The following SCPPPQ1 variants were observed in gnomAD, a reference collection of about 807,000 sequenced individuals.
SCPPPQ1 encodes secretory calcium-binding phosphoprotein proline-glutamine rich 1.
the SCPPPQ1 span, among the ~76,000 whole-genome samples, chr4:87,470,430 T>C: frequency 1.3e-5 from 2 of 152,338 alleles, no homozygotes; most frequent in East Asian, 3.9e-4. Context: ...CTGGTTGCTG[T>C]TATTGCCAGT....
At chr4:87,462,869 A>T in the SCPPPQ1 span, among the ~76,000 whole-genome samples, 1 of 151,950 alleles carries the variant, frequency 6.6e-6, no homozygotes, top group Non-Finnish European at 1.5e-5. Flanking sequence ...GTGGTGGCAC[A>T]TGCTTGTAAT....
At chr4:87,468,074 G>A in the SCPPPQ1 span, among the ~76,000 whole-genome samples, 1 of 152,200 alleles carries the variant, frequency 6.6e-6, no homozygotes, top group South Asian at 2.1e-4. Context: ...CCACTAAAGA[G>A]AGGTTTTGTT....
the SCPPPQ1 span, among the ~76,000 whole-genome samples, chr4:87,461,665 T>C: frequency 6.6e-6 from 1 of 152,194 alleles, no homozygotes; most frequent in Non-Finnish European, 1.5e-5. Context: ...AAATATTTGG[T>C]GGCTAAAGGG....
the SCPPPQ1 span, among the ~76,000 whole-genome samples, chr4:87,468,891 GAAAC>G: frequency 6.6e-6 from 1 of 152,166 alleles, no homozygotes; most frequent in Non-Finnish European, 1.5e-5. Context: ...GTGGTCTAAA[GAAAC>G]AAATTAGGTT....
the SCPPPQ1 span, among the ~76,000 whole-genome samples, chr4:87,468,676 C>T: frequency 1.4e-4 from 21 of 152,300 alleles, no homozygotes; most frequent in East Asian, 9.6e-4. Context: ...AAAAGAAAAG[C>T]GCTGCTGTTA....
the SCPPPQ1 span, among the ~76,000 whole-genome samples, chr4:87,465,553 A>C: frequency 7.4e-6 from 1 of 134,944 alleles, no homozygotes; most frequent in Admixed American, 7.7e-5. Context: ...AAGGAATAGA[A>C]ATCTACAAAA....
chr4:87,462,963 C>T, the SCPPPQ1 span, among the ~76,000 whole-genome samples: 2 of 144,008 alleles, frequency 1.4e-5, no homozygotes, highest in Admixed American at 1.4e-4. Context: ...CACGCCACTG[C>T]ACTCCAGCCT....
the SCPPPQ1 span, among the ~76,000 whole-genome samples, chr4:87,461,346 G>C: frequency 2.0e-5 from 3 of 152,220 alleles, no homozygotes; most frequent in Non-Finnish European, 2.9e-5. Context: ...CTAAGGTTAA[G>C]AGTCTTTTAT....
the SCPPPQ1 span, among the ~76,000 whole-genome samples, chr4:87,461,566 T>C: frequency 6.6e-6 from 1 of 152,202 alleles, no homozygotes; most frequent in Non-Finnish European, 1.5e-5. Flanking sequence ...TCAGTGTTTG[T>C]TTTGTCAGCA....
the SCPPPQ1 span, among the ~76,000 whole-genome samples, chr4:87,465,955 G>C: frequency 6.6e-6 from 1 of 152,126 alleles, no homozygotes; most frequent in Non-Finnish European, 1.5e-5. Flanking sequence ...CTGCCATCTG[G>C]TGGTAGGAAG....
chr4:87,466,697 A>C, the SCPPPQ1 span, among the ~76,000 whole-genome samples: 1 of 152,140 alleles, frequency 6.6e-6, no homozygotes, highest in Non-Finnish European at 1.5e-5. Flanking sequence ...AATATTTAGG[A>C]GATCAGACAA....
the SCPPPQ1 span, among the ~76,000 whole-genome samples, chr4:87,469,867 T>TTA: frequency 6.6e-6 from 1 of 152,150 alleles, no homozygotes; most frequent in Non-Finnish European, 1.5e-5. Flanking sequence ...ACTTTCTACT[T>TTA]TCTTATAAAG....
the SCPPPQ1 span, among the ~76,000 whole-genome samples, chr4:87,466,932 T>C: frequency 8.8e-3 from 1,333 of 152,298 alleles, 24 homozygotes; most frequent in African/African-American, 0.031. Context: ...TAAATACTTA[T>C]CCAAATTTAA....
the SCPPPQ1 span, among the ~76,000 whole-genome samples, chr4:87,464,676 G>A: frequency 8.5e-5 from 13 of 152,086 alleles, no homozygotes; most frequent in African/African-American, 3.1e-4. Flanking sequence ...CATCTCTACA[G>A]AAAATACAAA....
chr4:87,467,821 C>T, the SCPPPQ1 span, among the ~76,000 whole-genome samples: 2 of 151,940 alleles, frequency 1.3e-5, no homozygotes, highest in African/African-American at 2.4e-5. Context: ...GGGGCGGTTG[C>T]GGAGGTAGGG....
chr4:87,469,084 A>G, the SCPPPQ1 span, among the ~76,000 whole-genome samples: 1,426 of 152,340 alleles, frequency 9.4e-3, 23 homozygotes, highest in African/African-American at 0.033. Flanking sequence ...TTAAAATCAA[A>G]TCTACAATGA....
At chr4:87,462,497 CTTTCTTTT>C in the SCPPPQ1 span, among the ~76,000 whole-genome samples, 2 of 150,312 alleles carry the variant, frequency 1.3e-5, no homozygotes, top group African/African-American at 2.5e-5. Flanking sequence ...TTCTTTCTTT[CTTTCTTTT>C]TTTTGGTATG....
the SCPPPQ1 span, among the ~76,000 whole-genome samples, chr4:87,461,701 G>A: frequency 1.3e-5 from 2 of 152,158 alleles, no homozygotes; most frequent in African/African-American, 4.8e-5. Flanking sequence ...TGAGCACTTC[G>A]AGAGGCTATT....
At chr4:87,469,947 C>CTT in the SCPPPQ1 span, among the ~76,000 whole-genome samples, 208 of 114,936 alleles carry the variant, frequency 1.8e-3, no homozygotes, top group Middle Eastern at 5.6e-3. Context: ...ACACACAAAT[C>CTT]TTTTTTTTTT....
Sources: allele counts gnomAD v4.1 joint callset (sites outside exome capture counted in the v4.1 genomes callset), GRCh38; gene constraint gnomAD v4.1.1; transcripts MANE v1.5; gene names NCBI Gene and HGNC (gene_info 2026-07-23, HGNC 2026-07-21).